DIS3L2: variants seen among roughly 807,000 people sequenced by gnomAD.
DIS3L2 encodes the protein DIS3 like 3'-5' exoribonuclease 2, also known as DIS3-like exonuclease 2.
Under a neutral mutation model 97.5 loss-of-function variants are expected in DIS3L2, and 34 were observed. The observed-to-expected ratio is 0.35, with a 90% CI of 0.27 to 0.46. DIS3L2 has a LOEUF of 0.46. Among genes scored for constraint, DIS3L2 ranks in the 20% least tolerant of loss-of-function variants. DIS3L2 has a pLI of 1.00. For synonymous variants in DIS3L2, 435 were observed against 445.2 expected, an observed-to-expected ratio of 0.98 and a Z score of 0.29; for missense variants, 1,038 against 1,146.0, an observed-to-expected ratio of 0.91 and a Z score of 1.36.
intron 9 of DIS3L2, among the ~76,000 whole-genome samples, chr2:232,201,162 G>C (rs1691882363): frequency 6.6e-6 from 1 of 152,196 alleles, no homozygotes; most frequent in African/African-American, 2.4e-5. Flanking sequence ...GTAAAAGGTA[G>C]CCTTAACATA....
intron 12 of DIS3L2, among the ~76,000 whole-genome samples, chr2:232,257,652 A>G (rs926264079): frequency 6.6e-6 from 1 of 152,248 alleles, no homozygotes; most frequent in African/African-American, 2.4e-5. Context: ...ATTTAAGATT[A>G]TAAGTTAACC....
intron 13 of DIS3L2, among the ~76,000 whole-genome samples, chr2:232,291,801 C>T (rs927015024): frequency 1.8e-4 from 28 of 152,212 alleles, no homozygotes; most frequent in Non-Finnish European, 3.1e-4. Flanking sequence ...TTCCAGGAGA[C>T]GGGCAGAGAG....
intron 5 of DIS3L2, among the ~76,000 whole-genome samples, chr2:232,084,209 G>A (rs1696502583): frequency 6.6e-6 from 1 of 152,142 alleles, no homozygotes; most frequent in South Asian, 2.1e-4. Flanking sequence ...AGGCTTATGT[G>A]GTAAAGCAGA....
chr2:232,081,914 C>A (rs1314867745), intron 5 of DIS3L2, among the ~76,000 whole-genome samples: 2 of 152,190 alleles, frequency 1.3e-5, no homozygotes, highest in African/African-American at 4.8e-5. Flanking sequence ...TCAGCCTCCC[C>A]AAGTAGCTGG....
chr2:232,128,922 C>G (rs1365831367), intron 6 of DIS3L2, among the ~76,000 whole-genome samples: 1 of 152,180 alleles, frequency 6.6e-6, no homozygotes, highest in East Asian at 1.9e-4. Flanking sequence ...GTAACTTTGT[C>G]TGAACAAAGC....
chr2:232,210,924 T>C (rs1692171498), intron 10 of DIS3L2, among the ~76,000 whole-genome samples: 1 of 151,942 alleles, frequency 6.6e-6, no homozygotes. Context: ...TTTTCATCTA[T>C]CCAGCAAGTT....
At chr2:232,075,838 C>G (rs1211899264) in intron 5 of DIS3L2, among the ~76,000 whole-genome samples, 1 of 152,196 alleles carries the variant, frequency 6.6e-6, no homozygotes, top group Admixed American at 6.5e-5. Context: ...CTTCACTTTA[C>G]TTAAGCTCCT....
chr2:232,024,944 G>A (rs1486335827), intron 4 of DIS3L2, among the ~76,000 whole-genome samples: 2 of 152,094 alleles, frequency 1.3e-5, no homozygotes. Context: ...AGGTTTGATT[G>A]AGCAAAGCTG....
At chr2:232,107,070 A>G (rs1041762270) in intron 6 of DIS3L2, among the ~76,000 whole-genome samples, 10 of 152,242 alleles carry the variant, frequency 6.6e-5, no homozygotes, top group Non-Finnish European at 1.5e-4. Flanking sequence ...GAACAAAGAT[A>G]CAATGATCCA....
At chr2:232,041,097 T>A (rs1043207239) in intron 5 of DIS3L2, among the ~76,000 whole-genome samples, 1 of 152,208 alleles carries the variant, frequency 6.6e-6, no homozygotes, top group Non-Finnish European at 1.5e-5. Context: ...GTTAGAATTC[T>A]AGTGGTTGTA....
At chr2:232,138,328 CAT>C (rs994399111) in intron 8 of DIS3L2, among the ~76,000 whole-genome samples, 1 of 152,030 alleles carries the variant, frequency 6.6e-6, no homozygotes, top group Admixed American at 6.6e-5. Flanking sequence ...TAAAAAGTCA[CAT>C]ATTAATCATG....
chr2:232,330,428 C>T lies in DIS3L2; in HGVS notation c.1924-262C>T, dbSNP rs562872697. On this transcript the variant is annotated intron_variant, in intron 15 of 20. Coordinates refer to ENST00000325385, the MANE Select transcript of DIS3L2 (RefSeq NM_152383.5). ...AGGGAGACATCTCACCCAGGCCCAA[C>T]CCTGGGAGGGGAAGGCAGGTGCCCC... 2.1e-3 allele frequency among the ~76,000 whole-genome samples: 313 copies of T among 152,278 alleles called. 2 individuals are homozygous for T. Among genetic ancestry groups the T allele is most frequent in the South Asian group, 5.2e-3 (25 of 4,828 alleles).
intron 9 of DIS3L2, among the ~76,000 whole-genome samples, chr2:232,192,927 CT>C (rs1326510597): frequency 6.6e-6 from 1 of 152,088 alleles, no homozygotes; most frequent in African/African-American, 2.4e-5. Flanking sequence ...AGAAAGACTT[CT>C]TTCTTCCTCT....
chr2:232,236,620 C>A (rs1361927743), intron 10 of DIS3L2, among the ~76,000 whole-genome samples: 1 of 152,160 alleles, frequency 6.6e-6, no homozygotes, highest in Admixed American at 6.5e-5. Flanking sequence ...GACCCTCTTT[C>A]CTGAAGTTCA....
intron 5 of DIS3L2, among the ~76,000 whole-genome samples, chr2:232,073,081 A>G (rs558128746): frequency 9.7e-4 from 147 of 152,312 alleles, no homozygotes; most frequent in African/African-American, 3.5e-3. Flanking sequence ...TTTTATAATG[A>G]AAAGCTTATT....
At chr2:232,340,632 C>T (rs1268422057), downstream of DIS3L2, 1 of 463,874 alleles carries the variant, frequency 2.2e-6, no homozygotes, top group Non-Finnish European at 4.5e-6. Context: ...GCCAGGCCCT[C>T]CCCATCCAGG....
chr2:232,223,500 G>A (rs141587221), intron 10 of DIS3L2, among the ~76,000 whole-genome samples: 118 of 152,250 alleles, frequency 7.8e-4, no homozygotes, highest in African/African-American at 1.8e-3. Context: ...CTATTGTTGC[G>A]TAAACACAAC....
intron 5 of DIS3L2, among the ~76,000 whole-genome samples, chr2:232,052,638 T>C (rs1487064045): frequency 6.6e-6 from 1 of 152,230 alleles, no homozygotes; most frequent in Non-Finnish European, 1.5e-5. Context: ...GCTTACATTT[T>C]CTTTTTATAC....
intron 3 of DIS3L2, among the ~76,000 whole-genome samples, chr2:232,016,899 CCCCTCCCTCCCT>C (rs938573264): frequency 9.0e-5 from 12 of 133,798 alleles, no homozygotes; most frequent in Non-Finnish European, 1.1e-4. Flanking sequence ...TCCTTTTTGT[CCCCTCCCTCCCT>C]CCCTCCCTCT....
Sources: allele counts gnomAD v4.1 joint callset (sites outside exome capture counted in the v4.1 genomes callset), GRCh38; gene constraint gnomAD v4.1.1; transcripts MANE v1.5; gene names NCBI Gene and HGNC (gene_info 2026-07-23, HGNC 2026-07-21).